SENP8: variants seen among roughly 807,000 people sequenced by gnomAD.
The protein encoded by SENP8 is sentrin-specific protease 8.
Under a neutral mutation model 14.4 loss-of-function variants are expected in SENP8, and 10 were observed. The observed-to-expected ratio is 0.69, with a 90% CI of 0.43 to 1.18. The LOEUF (loss-of-function observed/expected upper bound fraction) is 1.18, where lower values mean the gene tolerates loss of function less well. Among genes scored for constraint, SENP8 ranks in the 50% most tolerant of loss-of-function variants. SENP8 has a pLI of 0.00. For missense variants in SENP8, 202 were observed against 249.4 expected, an observed-to-expected ratio of 0.81 and a Z score of 1.28; for synonymous variants, 94 against 95.5, an observed-to-expected ratio of 0.98 and a Z score of 0.09.
intron 1 of SENP8, among the ~76,000 whole-genome samples, chr15:72,139,136 C>G (rs549275975): frequency 6.6e-6 from 1 of 151,796 alleles, no homozygotes; most frequent in African/African-American, 2.4e-5. Flanking sequence ...TACAAATAAC[C>G]TTACCAATAA....
chr15:72,124,772 T>C (rs1029498105), intron 1 of SENP8, among the ~76,000 whole-genome samples: 2 of 152,064 alleles, frequency 1.3e-5, no homozygotes, highest in South Asian at 2.1e-4. Context: ...TATGTGTTCA[T>C]TATTAAAAAA....
intron 1 of SENP8, among the ~76,000 whole-genome samples, chr15:72,137,245 G>A (rs2081335801): frequency 8.5e-6 from 1 of 117,230 alleles, no homozygotes; most frequent in African/African-American, 3.2e-5. Flanking sequence ...TTTTACAGAT[G>A]GCATACAAAA....
rs1596663315 is a variant in SENP8 at position 72,142,589 on chromosome 15, C to CA, written c.*2328dup. On this transcript the variant is annotated 3_prime_UTR_variant, in exon 2 of 2. Transcript: ENST00000340912. ...TGTTGTATTGCCCGGTAAGTATAGT[C>CA]ACACTTGTCCAACCCGTGTCTCAAT... The CA allele has an allele frequency of 1.3e-5, 2 of 152,298 alleles. No individual in the cohort carries two copies. Among genetic ancestry groups the CA allele is most frequent in the East Asian group, 3.9e-4 (2 of 5,188 alleles). 9.4% of individuals were successfully genotyped at this position (152,298 alleles called of 1,614,324 possible).
chr15:72,139,348 A>G, intron 1 of SENP8: 2 of 405,992 alleles, frequency 4.9e-6, no homozygotes, highest in Non-Finnish European at 8.8e-6. Flanking sequence ...CATCCTCATC[A>G]TCATGTTGAG....
At position 72,130,894 on chromosome 15, in the gene SENP8, A is replaced by C. The variant is rs539495814; in HGVS notation, c.-47-8683A>C. Among the ~76,000 whole-genome samples, 7 of 152,304 alleles carry C rather than the reference A, an allele frequency of 4.6e-5. No homozygotes were observed. The East Asian group carries it at 1.3e-3, about 29-fold the overall frequency. On this transcript the variant is annotated intron_variant, in intron 1 of 1. Transcript: ENST00000340912. Reference sequence around the variant, plus strand: ...TTATAAACAGGATGACAGAATTTAAAAATTGGCAGAGATGACAGCTTAGAA... The same window carrying C: ...TTATAAACAGGATGACAGAATTTAACAATTGGCAGAGATGACAGCTTAGAA...
At chr15:72,128,599 A>G (rs1287738588) in intron 1 of SENP8, among the ~76,000 whole-genome samples, 1 of 152,248 alleles carries the variant, frequency 6.6e-6, no homozygotes, top group African/African-American at 2.4e-5. Flanking sequence ...AATAATTAAA[A>G]TATTTTTAGT....
At chr15:72,132,267 A>G (rs937297412) in intron 1 of SENP8, among the ~76,000 whole-genome samples, 2 of 152,148 alleles carry the variant, frequency 1.3e-5, no homozygotes, top group Non-Finnish European at 2.9e-5. Context: ...ACCATCCACC[A>G]AGACCAAGTA....
chr15:72,135,506 T>C (rs1403826660), intron 1 of SENP8: 1 of 151,996 alleles, frequency 6.6e-6, no homozygotes, highest in Non-Finnish European at 1.5e-5. Flanking sequence ...TTAAGGAAAT[T>C]TAGTAATTTA....
Position 72,143,442 on chromosome 15 carries a change from T to TGA in SENP8, c.*3180_*3181insGA, listed in dbSNP as rs1281141356. ...TACTGTTATGTACAAAAGAGAAACT[T>TGA]ATTCAAGGATGGTGAATAGCAACAA... On this transcript the variant is annotated 3_prime_UTR_variant, in exon 2 of 2. Coordinates refer to ENST00000340912, the MANE Select transcript of SENP8 (RefSeq NM_145204.4). 2 of 151,810 alleles carry TGA rather than the reference T, an allele frequency of 1.3e-5. No individual in the cohort carries two copies. Among genetic ancestry groups the TGA allele is most frequent in the African/African-American group, 4.8e-5 (2 of 41,422 alleles). The allele number at this position is 151,810 out of a possible 1,614,324, so 9.4% of individuals were successfully genotyped here.
At chr15:72,133,081 G>T (rs2081290744) in intron 1 of SENP8, among the ~76,000 whole-genome samples, 1 of 152,202 alleles carries the variant, frequency 6.6e-6, no homozygotes. Flanking sequence ...TGAGACGGGA[G>T]AATCGCTTGA....
Position 72,139,931 on chromosome 15 carries a change from G to A in SENP8, c.308G>A (p.Trp103Ter). The A allele has an allele frequency of 1.2e-6, 2 of 1,614,152 alleles. No individual in the cohort carries two copies. The highest frequency in any genetic ancestry group is 1.7e-6 in the Non-Finnish European group (2 of 1,180,000). The change falls in exon 2 of 2, where the codon TGG becomes TAG. Residue 103 changes from tryptophan to a stop codon, truncating the protein, a stop_gained. Transcript: ENST00000340912. LOFTEE classifies it high-confidence loss of function. ...AACCAGGCAGCTGGAGGAACCCACT[G>A]GAGTTTATTGGTCTACCTCCAAGAT... ...NSNQAAGGTH[W>*]SLLVYLQDKN...
chr15:72,140,158 T>C lies in SENP8; in HGVS notation c.535T>C (p.Phe179Leu), dbSNP rs2081367082. ...CACTGAGGCCTTGTGTCAGAACTTCTTTAGGCAACAGACAGAATCACTGCT... is the reference window on the plus strand; with the variant it reads ...CACTGAGGCCTTGTGTCAGAACTTCCTTAGGCAACAGACAGAATCACTGCT... ...CNTEALCQNF[F>L]RQQTESLLQL... Residue 179 changes from phenylalanine (F) to leucine (L), a missense_variant, in exon 2 of 2, where the codon TTT (phenylalanine) becomes CTT (leucine). By Grantham distance (22) the Phe-to-Leu change is conservative. Transcript: ENST00000340912. 6.2e-7 allele frequency: 1 copy of C among 1,614,172 alleles called. No homozygotes were observed. The highest frequency in any genetic ancestry group is 8.5e-7 in the Non-Finnish European group (1 of 1,180,018).
intron 1 of SENP8, among the ~76,000 whole-genome samples, chr15:72,124,142 A>G (rs904161516): frequency 1.3e-5 from 2 of 152,254 alleles, no homozygotes; most frequent in African/African-American, 4.8e-5. Context: ...TTCATAGCTC[A>G]TTTATAAAAT....
intron 1 of SENP8, among the ~76,000 whole-genome samples, chr15:72,131,614 G>T (rs933130633): frequency 2.0e-5 from 3 of 152,172 alleles, no homozygotes; most frequent in Non-Finnish European, 4.4e-5. Context: ...TGTTAAGGAA[G>T]TGTTCTACAC....
rs912191095 is a variant in SENP8 at position 72,141,972 on chromosome 15, G to A, written c.*1710G>A. Reference sequence around the variant, plus strand: ...AGACTATTAAAGTCAAATCCTCTCTGGGAAAAGTTATCTTTCTGACAATGC... The same window carrying A: ...AGACTATTAAAGTCAAATCCTCTCTAGGAAAAGTTATCTTTCTGACAATGC... On this transcript the variant is annotated 3_prime_UTR_variant, in exon 2 of 2. Coordinates refer to ENST00000340912, the MANE Select transcript of SENP8 (RefSeq NM_145204.4). 5 of 152,086 alleles carry A rather than the reference G, an allele frequency of 3.3e-5. No homozygotes were observed. Among genetic ancestry groups the A allele is most frequent in the Non-Finnish European group, 7.4e-5 (5 of 68,012 alleles). 9.4% of individuals were successfully genotyped at this position (152,086 alleles called of 1,614,324 possible). A position where few individuals can be genotyped will look rare whatever the true frequency, so the allele number is the denominator to read the frequency against.
chr15:72,135,237 T>C (rs2140519262), intron 1 of SENP8: 1 of 179,412 alleles, frequency 5.6e-6, no homozygotes, highest in South Asian at 1.1e-4. Flanking sequence ...AATTTTTGTA[T>C]TTTTAGTAGA....
At chr15:72,126,928 T>C (rs7173532) in intron 1 of SENP8, among the ~76,000 whole-genome samples, 145,292 of 152,278 alleles carry the variant, frequency 0.95, 69,694 homozygotes, top group East Asian at 1. Flanking sequence ...ACCTTTCTCT[T>C]TCAGAGCAGA....
chr15:72,117,388 T>C (rs375204548), upstream of SENP8, among the ~76,000 whole-genome samples: 84 of 150,490 alleles, frequency 5.6e-4, 1 homozygote, highest in East Asian at 0.012. Context: ...CCATTAAGAG[T>C]CCTAAGGGAC....
chr15:72,137,971 C>CA (rs1039616275), intron 1 of SENP8, among the ~76,000 whole-genome samples: 34 of 132,734 alleles, frequency 2.6e-4, no homozygotes, highest in East Asian at 6.4e-4. Flanking sequence ...GACTCCATCT[C>CA]AAAAAAAAAA....
Sources: allele counts gnomAD v4.1 joint callset (sites outside exome capture counted in the v4.1 genomes callset), GRCh38; gene constraint gnomAD v4.1.1; transcripts MANE v1.5; gene names NCBI Gene and HGNC (gene_info 2026-07-23, HGNC 2026-07-21).